Variants in PIK3CB observed in about 807,000 individuals in gnomAD.
PIK3CB encodes phosphatidylinositol 4,5-bisphosphate 3-kinase catalytic subunit beta isoform.
PIK3CB carries 39 observed loss-of-function variants against 136.8 expected under a neutral mutation model. The ratio of observed to expected loss-of-function variants is 0.29; its 90% CI spans 0.22 to 0.37. The LOEUF is 0.37. Among genes scored for constraint, PIK3CB ranks in the 10% least tolerant of loss-of-function variants. The pLI is 1.00. For synonymous variants in PIK3CB, 428 were observed against 436.6 expected (o/e 0.98, Z 0.25); for missense variants, 868 against 1,275.4 (o/e 0.68, Z 4.87).
intron 3 of PIK3CB, among the ~76,000 whole-genome samples, chr3:138,758,208 C>T (rs927716298): frequency 2.6e-5 from 4 of 152,048 alleles, no homozygotes; most frequent in Admixed American, 6.6e-5. Context: ...CAAGAATAGG[C>T]AAACTGGTAG....
intron 19 of PIK3CB, among the ~76,000 whole-genome samples, chr3:138,666,797 A>C (rs1335178181): frequency 1.3e-5 from 2 of 152,108 alleles, no homozygotes; most frequent in African/African-American, 4.8e-5. Context: ...TAAGCAACAA[A>C]CAAACAAGAA....
intron 19 of PIK3CB, among the ~76,000 whole-genome samples, chr3:138,669,771 A>C (rs900447095): frequency 6.6e-6 from 1 of 152,220 alleles, no homozygotes; most frequent in Non-Finnish European, 1.5e-5. Flanking sequence ...CACTGTTACA[A>C]GTACTAAAAC....
At chr3:138,713,357 T>C (rs2044543381) in intron 9 of PIK3CB, among the ~76,000 whole-genome samples, 1 of 151,730 alleles carries the variant, frequency 6.6e-6, no homozygotes, top group Non-Finnish European at 1.5e-5. Context: ...CCAGAGGAGA[T>C]GCTTATATTC....
At chr3:138,802,942 C>T (rs942095631) in intron 1 of PIK3CB, among the ~76,000 whole-genome samples, 9 of 152,090 alleles carry the variant, frequency 5.9e-5, no homozygotes, top group Admixed American at 1.3e-4. Context: ...GTGAATAAAG[C>T]GGAGTTTCCC....
chr3:138,711,474 G>A (rs547481553), intron 10 of PIK3CB, among the ~76,000 whole-genome samples: 44 of 151,468 alleles, frequency 2.9e-4, no homozygotes, highest in African/African-American at 1.0e-3. Context: ...AGCTAGCAGG[G>A]AGGCTGAGGC....
intron 2 of PIK3CB, among the ~76,000 whole-genome samples, chr3:138,783,484 G>A (rs913097890): frequency 2.0e-5 from 3 of 151,916 alleles, no homozygotes; most frequent in Non-Finnish European, 2.9e-5. Context: ...ACTATGTTGC[G>A]CAGGCTGGTC....
chr3:138,688,776 G>A, intron 16 of PIK3CB, 99 bp downstream of exon 16: 1 of 697,908 alleles, frequency 1.4e-6, no homozygotes, highest in Non-Finnish European at 2.5e-6. Context: ...CAAACACCAA[G>A]TACCAAATTG....
intron 14 of PIK3CB, among the ~76,000 whole-genome samples, chr3:138,693,362 T>C (rs1244925050): frequency 6.6e-6 from 1 of 151,336 alleles, no homozygotes; most frequent in Non-Finnish European, 1.5e-5. Context: ...CCCAAAGTGA[T>C]GGGATTATAG....
chr3:138,717,291 A>G (rs970175653), intron 8 of PIK3CB, among the ~76,000 whole-genome samples: 6 of 151,746 alleles, frequency 4.0e-5, no homozygotes, highest in Non-Finnish European at 7.4e-5. Context: ...TATAGTGGAT[A>G]GCTGGAATAT....
intron 1 of PIK3CB, among the ~76,000 whole-genome samples, chr3:138,813,883 G>GT (rs1933186067): frequency 6.6e-6 from 1 of 152,130 alleles, no homozygotes; most frequent in Admixed American, 6.6e-5. Flanking sequence ...TAACAAAGGT[G>GT]TAAGATACAC....
chr3:138,688,276 C>A (rs768390006), intron 16 of PIK3CB, among the ~76,000 whole-genome samples: 1 of 151,538 alleles, frequency 6.6e-6, no homozygotes, highest in Non-Finnish European at 1.5e-5. Flanking sequence ...CCGAGGCGGG[C>A]GGATCACGAG....
intron 2 of PIK3CB, among the ~76,000 whole-genome samples, chr3:138,795,600 C>T (rs2046100804): frequency 6.6e-6 from 1 of 152,046 alleles, no homozygotes; most frequent in Admixed American, 6.6e-5. Flanking sequence ...CACTGTACTC[C>T]AGCCTGTGAC....
intron 1 of PIK3CB, among the ~76,000 whole-genome samples, chr3:138,802,313 G>A (rs1279025850): frequency 4.6e-5 from 7 of 151,452 alleles, no homozygotes; most frequent in Non-Finnish European, 7.4e-5. Flanking sequence ...CCAGGAGGTG[G>A]AGGTTGCAGT....
At chr3:138,701,513 G>A (rs535347706) in intron 12 of PIK3CB, among the ~76,000 whole-genome samples, 3 of 152,202 alleles carry the variant, frequency 2.0e-5, no homozygotes, top group Admixed American at 6.5e-5. Flanking sequence ...GTGGCCGGGC[G>A]TGGTGGCTGA....
intron 8 of PIK3CB, among the ~76,000 whole-genome samples, chr3:138,719,208 C>T (rs557712722): frequency 1.4e-5 from 2 of 145,406 alleles, no homozygotes; most frequent in South Asian, 2.2e-4. Context: ...AAGTATCTAA[C>T]TTATCAGAAA....
chr3:138,759,235 G>C lies in PIK3CB; in HGVS notation c.109C>G (p.Pro37Ala). The change falls in exon 3 of 24, where the codon CCC (proline) becomes GCC (alanine). Residue 37 changes from proline to alanine, a missense_variant. By Grantham distance (27) the Pro-to-Ala change is conservative. This residue lies in a region of PIK3CB where 612 missense variants were observed against 801.1 expected (regional missense o/e 0.76). Coordinates refer to ENST00000674063, the MANE Select transcript of PIK3CB (RefSeq NM_006219.3). ...TCCAACTGGATATAAATCCCAGTGG[G>C]CAAAAGGAAATCCACAGGTATGGAG... Reference protein sequence around the residue: ...DGSIPVDFLLPTGIYIQLEVP... With the variant: ...DGSIPVDFLLATGIYIQLEVP... The C allele has an allele frequency of 6.2e-7, 1 of 1,612,204 alleles. No individual in the cohort carries two copies. Among genetic ancestry groups the C allele is most frequent in the Non-Finnish European group, 8.5e-7 (1 of 1,178,558 alleles).
At chr3:138,830,954 A>G (rs561472686) in intron 1 of PIK3CB, among the ~76,000 whole-genome samples, 1 of 138,628 alleles carries the variant, frequency 7.2e-6, no homozygotes, top group Non-Finnish European at 1.6e-5. Flanking sequence ...ATAATAATAA[A>G]GCAGGAACTC....
chr3:138,700,805 C>G (rs361082), intron 12 of PIK3CB, among the ~76,000 whole-genome samples: 90,553 of 151,846 alleles, frequency 0.6, 27,828 homozygotes, highest in East Asian at 0.99. Context: ...AAATCCAAAA[C>G]GAAAAGCAAG....
chr3:138,815,792 C>CA (rs1483239371), intron 1 of PIK3CB, among the ~76,000 whole-genome samples: 1 of 152,132 alleles, frequency 6.6e-6, no homozygotes, highest in Non-Finnish European at 1.5e-5. Flanking sequence ...ACTTGAGCAC[C>CA]CATGGATTTT....
Sources: gnomAD v4.1 joint callset for allele counts (sites outside exome capture counted in the v4.1 genomes callset) on GRCh38, gnomAD v4.1.1 for gene constraint, gnomAD v4.1.1 regional missense constraint, MANE v1.5 for transcripts, NCBI Gene and HGNC (gene_info 2026-07-23, HGNC 2026-07-21) for gene names.